Variants in CACNA1C observed in about 807,000 individuals in gnomAD.
The protein encoded by CACNA1C is voltage-dependent L-type calcium channel subunit alpha-1C.
A neutral mutation model predicts 229.0 loss-of-function variants in CACNA1C; 30 were observed. The ratio of observed to expected loss-of-function variants is 0.13; its 90% confidence interval spans 0.10 to 0.18. The LOEUF (loss-of-function observed/expected upper bound fraction) is 0.18, where lower values mean the gene tolerates loss of function less well. Ranked by LOEUF, CACNA1C falls within the 10% of genes least tolerant of loss-of-function variation. The probability of loss-of-function intolerance (pLI) is 1.00; values close to 1 mark genes in which losing one functional copy is unlikely to be tolerated. For missense variants in CACNA1C, 1,658 were observed against 2,845.0 expected, an observed-to-expected ratio of 0.58 and a Z score of 9.49; for synonymous variants, 1,114 against 1,132.5, an observed-to-expected ratio of 0.98 and a Z score of 0.33.
At chr12:2,569,227 G>A (rs967001133) in intron 13 of CACNA1C, among the ~76,000 whole-genome samples, 9 of 152,178 alleles carry the variant, frequency 5.9e-5, no homozygotes, top group African/African-American at 1.9e-4. Flanking sequence ...CCATGCTCTA[G>A]GACAATGATT....
At chr12:2,184,293 TTA>T (rs2096932007) in intron 3 of CACNA1C, among the ~76,000 whole-genome samples, 1 of 152,204 alleles carries the variant, frequency 6.6e-6, no homozygotes, top group Non-Finnish European at 1.5e-5. Flanking sequence ...TTCTTTATTC[TTA>T]TAAATCTTCT....
intron 3 of CACNA1C, among the ~76,000 whole-genome samples, chr12:2,205,027 A>C (rs1320009619): frequency 6.6e-6 from 1 of 151,668 alleles, no homozygotes; most frequent in African/African-American, 2.4e-5. Context: ...TCCCCAAAGA[A>C]CCTCCTCCCT....
intron 3 of CACNA1C, among the ~76,000 whole-genome samples, chr12:2,209,208 T>C (rs1303746980): frequency 2.0e-5 from 3 of 152,172 alleles, no homozygotes; most frequent in African/African-American, 7.2e-5. Flanking sequence ...AGGTATGTGA[T>C]TATAAGAATT....
chr12:2,546,423 A>G (rs112808033), intron 9 of CACNA1C, among the ~76,000 whole-genome samples: 299 of 96,044 alleles, frequency 3.1e-3, no homozygotes, highest in Middle Eastern at 7.7e-3. Context: ...GCAGTAGCTG[A>G]TGTCTTCACA....
At chr12:2,561,158 C>T (rs1394904170) in intron 11 of CACNA1C, among the ~76,000 whole-genome samples, 2 of 152,180 alleles carry the variant, frequency 1.3e-5, no homozygotes, top group African/African-American at 4.8e-5. Flanking sequence ...TCCCATGGGT[C>T]TGTAACCAAG....
intron 3 of CACNA1C, among the ~76,000 whole-genome samples, chr12:2,421,805 G>A (rs2098981901): frequency 1.3e-5 from 2 of 152,078 alleles, no homozygotes; most frequent in South Asian, 4.2e-4. Context: ...CAGCTACTTG[G>A]GAGTCTGTGG....
At chr12:2,075,671 C>G (rs533548557) in intron 1 of CACNA1C, among the ~76,000 whole-genome samples, 1 of 152,190 alleles carries the variant, frequency 6.6e-6, no homozygotes, top group Non-Finnish European at 1.5e-5. Context: ...CCTGTGGATA[C>G]TGCCCTGACC....
intron 5 of CACNA1C, among the ~76,000 whole-genome samples, chr12:2,468,878 GC>G (rs1313892075): frequency 2.0e-5 from 3 of 152,206 alleles, no homozygotes; most frequent in African/African-American, 7.2e-5. Context: ...AACTGTATTC[GC>G]CCTAGAGTAT....
At chr12:2,399,697 G>C (rs568062022) in intron 3 of CACNA1C, among the ~76,000 whole-genome samples, 1 of 152,354 alleles carries the variant, frequency 6.6e-6, no homozygotes, top group East Asian at 1.9e-4. Flanking sequence ...CAACATTTGG[G>C]CAGGAAAACA....
intron 3 of CACNA1C, among the ~76,000 whole-genome samples, chr12:2,246,325 G>A (rs573273029): frequency 1.3e-5 from 2 of 152,268 alleles, no homozygotes; most frequent in Admixed American, 1.3e-4. Flanking sequence ...TGTAGATCGG[G>A]GGCCGAGGCT....
chr12:2,032,821 G>A (rs1470723483), intron 1 of CACNA1C, among the ~76,000 whole-genome samples: 1 of 152,222 alleles, frequency 6.6e-6, no homozygotes, highest in Non-Finnish European at 1.5e-5. Flanking sequence ...GAACATGAAT[G>A]CGGCTTTTCA....
At chr12:2,680,493 GTGC>G in intron 42 of CACNA1C, 1 of 1,569,982 alleles carries the variant, frequency 6.4e-7, no homozygotes, top group Middle Eastern at 1.7e-4. Context: ...ACCCTGCATC[GTGC>G]CTGGCCACGC....
chr12:2,589,157 G>T (rs547099461), intron 18 of CACNA1C, among the ~76,000 whole-genome samples: 1 of 152,312 alleles, frequency 6.6e-6, no homozygotes, highest in South Asian at 2.1e-4. Context: ...CACTGTGCTA[G>T]GTACCAGGGA....
chr12:2,209,355 G>A (rs1408850065), intron 3 of CACNA1C, among the ~76,000 whole-genome samples: 2 of 152,126 alleles, frequency 1.3e-5, no homozygotes, highest in Non-Finnish European at 2.9e-5. Flanking sequence ...GGGTATGTTC[G>A]ACGGTTGTAA....
intron 3 of CACNA1C, among the ~76,000 whole-genome samples, chr12:2,247,882 T>C (rs975057648): frequency 1.3e-5 from 2 of 152,052 alleles, no homozygotes; most frequent in Non-Finnish European, 2.9e-5. Context: ...AAACAGTACA[T>C]GGAAAGGAGA....
chr12:2,440,425 G>A (rs1183641960), intron 3 of CACNA1C, among the ~76,000 whole-genome samples: 3 of 152,170 alleles, frequency 2.0e-5, no homozygotes, highest in African/African-American at 4.8e-5. Context: ...GTGTTTTCAC[G>A]GCTCGTCCAT....
intron 5 of CACNA1C, among the ~76,000 whole-genome samples, chr12:2,459,169 G>GTTTTT (rs59909090): frequency 3.7e-5 from 4 of 109,438 alleles, no homozygotes; most frequent in Admixed American, 9.8e-5. Flanking sequence ...TTTTGTGTGT[G>GTTTTT]TTTTTTTTTT....
intron 1 of CACNA1C, among the ~76,000 whole-genome samples, chr12:2,061,134 T>C (rs2057333617): frequency 6.6e-6 from 1 of 151,842 alleles, no homozygotes; most frequent in Non-Finnish European, 1.5e-5. Flanking sequence ...AAATCCCTTT[T>C]TTTTTTTTTG....
intron 5 of CACNA1C, among the ~76,000 whole-genome samples, chr12:2,482,983 A>G (rs1184959569): frequency 6.6e-6 from 1 of 152,170 alleles, no homozygotes; most frequent in Non-Finnish European, 1.5e-5. Context: ...TGTTATTTCC[A>G]ATTCTTTCAT....
Sources: gnomAD v4.1 joint callset for allele counts (sites outside exome capture counted in the v4.1 genomes callset) on GRCh38, gnomAD v4.1.1 for gene constraint, MANE v1.5 for transcripts, NCBI Gene and HGNC (gene_info 2026-07-23, HGNC 2026-07-21) for gene names.